Variants in MAST4 observed in about 807,000 individuals in gnomAD.
MAST4 encodes the protein microtubule-associated serine/threonine-protein kinase 4.
Under a neutral mutation model 162.7 loss-of-function variants are expected in MAST4, and 89 were observed. The ratio of observed to expected loss-of-function variants is 0.55; its 90% CI spans 0.46 to 0.65. The LOEUF (loss-of-function observed/expected upper bound fraction) is 0.65. Among genes scored for constraint, MAST4 ranks in the 30% least tolerant of loss-of-function variants. The pLI is 0.00. For synonymous variants in MAST4, 1,479 were observed against 1,361.1 expected, an observed-to-expected ratio of 1.09 and a Z score of -1.91; for missense variants, 3,153 against 3,374.0, an observed-to-expected ratio of 0.93 and a Z score of 1.62.
intron 1 of MAST4, among the ~76,000 whole-genome samples, chr5:66,609,822 A>G (rs1248148169): frequency 1.3e-5 from 2 of 150,806 alleles, no homozygotes; most frequent in East Asian, 4.0e-4. Flanking sequence ...CTTGGAGTGT[A>G]TAGTACCATA....
chr5:66,722,878 G>A (rs1315362569), intron 1 of MAST4, among the ~76,000 whole-genome samples: 3 of 152,104 alleles, frequency 2.0e-5, no homozygotes, highest in South Asian at 2.1e-4. Flanking sequence ...AGTCTAAGGC[G>A]GAGAACGGGA....
intron 3 of MAST4, among the ~76,000 whole-genome samples, chr5:66,810,637 C>T (rs1353550078): frequency 1.3e-5 from 2 of 152,206 alleles, no homozygotes; most frequent in African/African-American, 2.4e-5. Flanking sequence ...ACCAAAGCAT[C>T]TGTTGCCCTG....
intron 5 of MAST4, among the ~76,000 whole-genome samples, chr5:67,085,884 C>T (rs932779675): frequency 5.3e-5 from 8 of 152,116 alleles, no homozygotes; most frequent in South Asian, 4.1e-4. Flanking sequence ...TCAGGGGGAA[C>T]GGAACTGTTA....
At chr5:66,671,579 G>C (rs1056525265) in intron 1 of MAST4, among the ~76,000 whole-genome samples, 12 of 144,738 alleles carry the variant, frequency 8.3e-5, no homozygotes, top group African/African-American at 3.1e-4. Context: ...CTTTTTGGTA[G>C]CCAGTCTACA....
chr5:66,617,155 A>G (rs1291812458), intron 1 of MAST4, among the ~76,000 whole-genome samples: 2 of 152,212 alleles, frequency 1.3e-5, no homozygotes. Context: ...AACCAGGAGC[A>G]GTATCTCATT....
intron 11 of MAST4, 43 bp downstream of exon 11, chr5:67,110,242 G>C: frequency 7.1e-7 from 1 of 1,405,904 alleles, no homozygotes; most frequent in Non-Finnish European, 1.0e-6. Flanking sequence ...ATTGTTAACT[G>C]GGAAAGCAGT....
At chr5:66,714,524 T>G (rs1335876615) in intron 1 of MAST4, among the ~76,000 whole-genome samples, 1 of 152,120 alleles carries the variant, frequency 6.6e-6, no homozygotes, top group Non-Finnish European at 1.5e-5. Context: ...GTGATTCGAG[T>G]CATTGTTTTC....
chr5:66,909,388 C>G (rs1763597260), intron 4 of MAST4, among the ~76,000 whole-genome samples: 1 of 152,128 alleles, frequency 6.6e-6, no homozygotes, highest in Admixed American at 6.5e-5. Flanking sequence ...CAGGACACTC[C>G]TTGAAATTGT....
At chr5:66,909,005 T>C (rs1044310444) in intron 4 of MAST4, among the ~76,000 whole-genome samples, 2 of 152,190 alleles carry the variant, frequency 1.3e-5, no homozygotes, top group Non-Finnish European at 2.9e-5. Flanking sequence ...CTTAAATAAA[T>C]AAAATATATT....
intron 4 of MAST4, among the ~76,000 whole-genome samples, chr5:66,914,404 C>A (rs1763969692): frequency 6.6e-6 from 1 of 152,108 alleles, no homozygotes; most frequent in Admixed American, 6.5e-5. Flanking sequence ...TCCAAAAAGC[C>A]CCTCAGAGAA....
At chr5:66,817,321 A>G (rs1756780206) in intron 3 of MAST4, among the ~76,000 whole-genome samples, 1 of 152,250 alleles carries the variant, frequency 6.6e-6, no homozygotes, top group Non-Finnish European at 1.5e-5. Flanking sequence ...CCAGGTAGAT[A>G]GTTCTCCTTT....
chr5:66,944,254 T>C (rs1004507429), intron 4 of MAST4, among the ~76,000 whole-genome samples: 2 of 152,144 alleles, frequency 1.3e-5, no homozygotes, highest in Non-Finnish European at 2.9e-5. Flanking sequence ...AATTGCCTTA[T>C]ATGATAAACA....
rs772506443 is a variant in MAST4, at chr5:67,142,159, G to A, written c.2539G>A (p.Asp847Asn). Reference sequence around the variant, plus strand: ...ACAGCATCGATTCTTCCGTTCTTTAGACTGGAACAGTTTGCTGAGACAGAA... The same window carrying A: ...ACAGCATCGATTCTTCCGTTCTTTAAACTGGAACAGTTTGCTGAGACAGAA... ...VKQHRFFRSL[D>N]WNSLLRQKAE... is the part of the protein sequence containing the mutation. The change falls in exon 20 of 29, where the codon GAC becomes AAC. Residue 847 changes from aspartate to asparagine, a missense_variant. Coordinates refer to ENST00000403625, the MANE Select transcript of MAST4 (RefSeq NM_001164664.2). 1.5e-5 allele frequency: 25 copies of A among 1,613,814 alleles called. No homozygotes were observed. Among genetic ancestry groups the A allele is most frequent in the Non-Finnish European group, 1.4e-5 (17 of 1,179,844 alleles).
chr5:66,906,663 C>T (rs968757858), intron 4 of MAST4, among the ~76,000 whole-genome samples: 2 of 152,146 alleles, frequency 1.3e-5, no homozygotes, highest in Non-Finnish European at 2.9e-5. Flanking sequence ...GTCGCCCAAA[C>T]TAAATTTAGC....
intron 16 of MAST4, 137 bp downstream of exon 16, chr5:67,132,088 A>G: frequency 1.0e-6 from 1 of 970,998 alleles, no homozygotes; most frequent in Non-Finnish European, 1.5e-6. Flanking sequence ...TTAACAGTAT[A>G]TATGGTAATT....
At chr5:66,775,801 T>G (rs1754573542) in intron 2 of MAST4, among the ~76,000 whole-genome samples, 1 of 152,190 alleles carries the variant, frequency 6.6e-6, no homozygotes, top group South Asian at 2.1e-4. Flanking sequence ...CTTTAACAAA[T>G]GGCCATTTGG....
At chr5:66,706,073 A>G (rs965789313) in intron 1 of MAST4, among the ~76,000 whole-genome samples, 4 of 152,148 alleles carry the variant, frequency 2.6e-5, no homozygotes, top group African/African-American at 9.7e-5. Flanking sequence ...AAAAGAATCA[A>G]TTATGGAGTT....
At chr5:67,094,249 T>G in intron 6 of MAST4, 1 of 896,084 alleles carries the variant, frequency 1.1e-6, no homozygotes, top group Non-Finnish European at 1.7e-6. Flanking sequence ...GTGGACCATT[T>G]GCATTTATTG....
At chr5:66,883,748 TA>T (rs754533818) in intron 3 of MAST4, among the ~76,000 whole-genome samples, 23 of 152,166 alleles carry the variant, frequency 1.5e-4, no homozygotes, top group Admixed American at 4.6e-4. Context: ...ATGGACATGG[TA>T]ACACTCCTTA....
Sources: allele counts gnomAD v4.1 joint callset (sites outside exome capture counted in the v4.1 genomes callset), GRCh38; gene constraint gnomAD v4.1.1; transcripts MANE v1.5; gene names NCBI Gene and HGNC (gene_info 2026-07-23, HGNC 2026-07-21).